DMD: variants seen among roughly 807,000 people sequenced by gnomAD.
DMD encodes dystrophin.
In DMD, 63 loss-of-function variants were observed where a neutral mutation model predicts 330.1. The ratio of observed to expected loss-of-function variants is 0.19; its 90% CI spans 0.16 to 0.24. The LOEUF (loss-of-function observed/expected upper bound fraction) is 0.24, where lower values mean the gene tolerates loss of function less well. Ranked by LOEUF, DMD falls within the 10% of genes least tolerant of loss-of-function variation. The pLI is 1.00. For missense variants in DMD, 3,344 were observed against 2,684.1 expected, an observed-to-expected ratio of 1.25 and a Z score of -5.43; for synonymous variants, 1,223 against 959.8, an observed-to-expected ratio of 1.27 and a Z score of -5.07.
intron 12 of DMD, among the ~76,000 whole-genome samples, chrX:32,602,954 C>G (rs2149298947): frequency 9.0e-6 from 1 of 111,518 alleles, no homozygotes; most frequent in East Asian, 2.8e-4. Flanking sequence ...TTACCTTGAA[C>G]AACTCCTTAA....
intron 12 of DMD, among the ~76,000 whole-genome samples, chrX:32,604,810 C>CA (rs145750291): frequency 0.31 from 30,138 of 96,147 alleles, 3,688 homozygotes; most frequent in East Asian, 0.47. Context: ...ACAACAACTA[C>CA]AAAAAAAAAA....
intron 55 of DMD, among the ~76,000 whole-genome samples, chrX:31,602,225 C>T (rs1383293741): frequency 9.0e-6 from 1 of 110,662 alleles, no homozygotes; most frequent in African/African-American, 3.3e-5. Flanking sequence ...TCATCTCTAT[C>T]TTTTCTAGAT....
At chrX:31,493,149 C>CTTGG (rs1236919653) in intron 57 of DMD, among the ~76,000 whole-genome samples, 2 of 112,074 alleles carry the variant, frequency 1.8e-5, no homozygotes, top group Non-Finnish European at 3.8e-5. Flanking sequence ...TTTCCCTGCT[C>CTTGG]TTGGTCTCAA....
chrX:31,537,764 G>T (rs929216342), intron 55 of DMD, among the ~76,000 whole-genome samples: 2 of 111,417 alleles, frequency 1.8e-5, no homozygotes, highest in African/African-American at 6.5e-5. Flanking sequence ...CTGAGGTAAG[G>T]CTTCCTTGGG....
intron 7 of DMD, among the ~76,000 whole-genome samples, chrX:32,795,359 T>C (rs981543429): frequency 1.2e-4 from 13 of 111,913 alleles, no homozygotes; most frequent in African/African-American, 3.9e-4. Context: ...ACCAAGAACA[T>C]GCATTAGGGG....
At chrX:32,657,208 G>A (rs1292942421) in intron 9 of DMD, among the ~76,000 whole-genome samples, 1 of 110,700 alleles carries the variant, frequency 9.0e-6, no homozygotes, top group Admixed American at 9.8e-5. Context: ...AAATCAAGAA[G>A]GAAGAAAAAG....
chrX:32,087,424 A>G lies in DMD; in HGVS notation c.6439-118910T>C, dbSNP rs146375026. Among the ~76,000 whole-genome samples the G allele has an allele frequency of 2.9e-3, 325 of 111,767 alleles. 1 individual carries two copies. Among genetic ancestry groups the G allele is most frequent in the African/African-American group, 0.01 (308 of 30,779 alleles). On this transcript the variant is annotated intron_variant, in intron 44 of 78. Transcript: ENST00000357033. ...AGCCTATAATTCAAGATCTTTGAGT[A>G]TCATTAAAGGACCCGCACAGGTACA... is the stretch of plus-strand genomic sequence containing the variant.
intron 44 of DMD, among the ~76,000 whole-genome samples, chrX:32,135,435 A>C: frequency 8.9e-6 from 1 of 112,917 alleles, no homozygotes; most frequent in African/African-American, 3.2e-5. Flanking sequence ...TAGCTATTTA[A>C]TGGTGGTTCA....
At chrX:32,099,962 T>C (rs1293151825) in intron 44 of DMD, among the ~76,000 whole-genome samples, 1 of 110,531 alleles carries the variant, frequency 9.0e-6, no homozygotes, top group African/African-American at 3.3e-5. Flanking sequence ...TAAACTAATC[T>C]GGCTCACAGA....
intron 62 of DMD, among the ~76,000 whole-genome samples, chrX:31,311,993 C>A (rs2055557858): frequency 9.0e-6 from 1 of 111,614 alleles, no homozygotes; most frequent in Non-Finnish European, 1.9e-5. Flanking sequence ...AACCCCAAAT[C>A]CTAAAAACCC....
At chrX:32,557,354 T>C (rs2050419218) in intron 16 of DMD, among the ~76,000 whole-genome samples, 1 of 111,846 alleles carries the variant, frequency 8.9e-6, no homozygotes, top group African/African-American at 3.2e-5. Flanking sequence ...TTGTAAACAA[T>C]GGCACATCAT....
chrX:31,539,696 A>G (rs1321264509), intron 55 of DMD, among the ~76,000 whole-genome samples: 1 of 112,225 alleles, frequency 8.9e-6, no homozygotes, highest in Non-Finnish European at 1.9e-5. Flanking sequence ...GATCATCTGT[A>G]ATATCGTTTT....
intron 7 of DMD, among the ~76,000 whole-genome samples, chrX:32,802,438 C>T (rs1037305567): frequency 9.0e-6 from 1 of 111,557 alleles, no homozygotes; most frequent in East Asian, 2.8e-4. Flanking sequence ...ACAATCATGT[C>T]ATCTGCAAAC....
intron 63 of DMD, among the ~76,000 whole-genome samples, chrX:31,239,563 G>C (rs1008842716): frequency 1.8e-5 from 2 of 111,163 alleles, no homozygotes; most frequent in Non-Finnish European, 3.8e-5. Context: ...AAAATATAAA[G>C]GCTCATTCTA....
At chrX:32,804,823 C>CA (rs1162771582) in intron 7 of DMD, among the ~76,000 whole-genome samples, 7 of 112,124 alleles carry the variant, frequency 6.2e-5, no homozygotes, top group Non-Finnish European at 1.1e-4. Flanking sequence ...TGGTGATACC[C>CA]AGGCAAATAG....
chrX:32,576,460 T>C (rs2053061665), intron 13 of DMD, among the ~76,000 whole-genome samples: 1 of 110,209 alleles, frequency 9.1e-6, no homozygotes, highest in South Asian at 3.9e-4. Context: ...ACACAAGCAC[T>C]GCGATACCAT....
chrX:31,317,700 A>G (rs1347229972), intron 62 of DMD, among the ~76,000 whole-genome samples: 2 of 109,652 alleles, frequency 1.8e-5, no homozygotes, highest in Non-Finnish European at 3.8e-5. Context: ...TTTAGTAGAG[A>G]CGGGGTTTCA....
chrX:31,711,001 A>C (rs1180387811), intron 52 of DMD, among the ~76,000 whole-genome samples: 1 of 111,010 alleles, frequency 9.0e-6, no homozygotes, highest in African/African-American at 3.3e-5. Flanking sequence ...CTAAACATTC[A>C]ATATTAACAG....
chrX:32,365,497 TA>T (rs1279074027), intron 34 of DMD, among the ~76,000 whole-genome samples: 1 of 111,146 alleles, frequency 9.0e-6, no homozygotes, highest in Non-Finnish European at 1.9e-5. Context: ...ATGTAGTGGC[TA>T]AAGGCAGATA....
Sources: allele counts gnomAD v4.1 joint callset (sites outside exome capture counted in the v4.1 genomes callset), GRCh38; gene constraint gnomAD v4.1.1; transcripts MANE v1.5; gene names NCBI Gene and HGNC (gene_info 2026-07-23, HGNC 2026-07-21).